DOCK1: variants seen among roughly 807,000 people sequenced by gnomAD.
DOCK1 encodes the protein dedicator of cytokinesis 1.
DOCK1 carries 138 observed loss-of-function variants against 262.7 expected under a neutral mutation model. The ratio of observed to expected loss-of-function variants is 0.53; its 90% CI spans 0.46 to 0.61. The LOEUF is 0.61. Ranked by LOEUF, DOCK1 falls within the 20% of genes least tolerant of loss-of-function variation. The pLI, the probability that DOCK1 is intolerant of heterozygous loss-of-function variation, is 0.00. For missense variants in DOCK1, 1,908 were observed against 2,370.7 expected (o/e 0.80, Z 4.05); for synonymous variants, 866 against 867.4 (o/e 1.00, Z 0.03).
intron 23 of DOCK1, among the ~76,000 whole-genome samples, chr10:127,102,292 G>GATAGTA (rs1224228775): frequency 6.6e-6 from 1 of 152,150 alleles, no homozygotes; most frequent in African/African-American, 2.4e-5. Context: ...CGTGAAAGGG[G>GATAGTA]ATAGTAATAG....
At chr10:127,130,912 A>T (rs922554182) in intron 27 of DOCK1, among the ~76,000 whole-genome samples, 5 of 152,082 alleles carry the variant, frequency 3.3e-5, no homozygotes, top group African/African-American at 7.2e-5. Context: ...CTGCTCCTAG[A>T]TCCCTGTCCT....
At chr10:127,140,596 T>A (rs1252943779) in intron 27 of DOCK1, among the ~76,000 whole-genome samples, 1 of 152,188 alleles carries the variant, frequency 6.6e-6, no homozygotes, top group East Asian at 1.9e-4. Flanking sequence ...AGGACTTTTC[T>A]TGGGGAAGCA....
chr10:126,996,810 C>T lies in DOCK1; in HGVS notation c.536C>T (p.Thr179Ile), dbSNP rs774339613. ...GGGAATATTTTGGATCCAGAATTAA[C>T]TAGCACGATTAGTCTCTTCAGAGCT... is the stretch of plus-strand genomic sequence containing the variant. ...EDGNILDPEL[T>I]STISLFRAHE... The change falls in exon 7 of 52, where the codon ACT (threonine) becomes ATT (isoleucine). Residue 179 changes from threonine to isoleucine, a missense_variant. This residue lies in a region of DOCK1 where 227 missense variants were observed against 254.1 expected (regional missense o/e 0.89). Transcript: ENST00000623213. 6.2e-7 allele frequency: 1 copy of T among 1,612,880 alleles called. No homozygotes were observed. Among genetic ancestry groups the T allele is most frequent in the Admixed American group, 1.7e-5 (1 of 59,746 alleles).
At chr10:127,051,974 T>G in intron 21 of DOCK1, among the ~76,000 whole-genome samples, 1 of 152,182 alleles carries the variant, frequency 6.6e-6, no homozygotes, top group East Asian at 1.9e-4. Context: ...ATGAAAAAAA[T>G]TTTTGTGTCT....
At chr10:127,277,224 A>G in intron 29 of DOCK1, among the ~76,000 whole-genome samples, 1 of 150,632 alleles carries the variant, frequency 6.6e-6, no homozygotes, top group South Asian at 2.1e-4. Context: ...TTTATCCTAT[A>G]CAATTATAAA....
intron 29 of DOCK1, among the ~76,000 whole-genome samples, chr10:127,315,378 C>T (rs1243803928): frequency 1.3e-5 from 2 of 152,098 alleles, no homozygotes; most frequent in South Asian, 2.1e-4. Context: ...AAGATATGGC[C>T]TCATCCCATC....
chr10:126,996,184 A>G (rs1346420524), intron 6 of DOCK1, among the ~76,000 whole-genome samples: 2 of 152,078 alleles, frequency 1.3e-5, no homozygotes, highest in Non-Finnish European at 2.9e-5. Context: ...AGTTGAGACC[A>G]GCCTGGCTAA....
chr10:127,128,337 T>A (rs1014648001), intron 27 of DOCK1, among the ~76,000 whole-genome samples: 1 of 8,614 alleles, frequency 1.2e-4, no homozygotes, highest in African/African-American at 1.7e-4. Flanking sequence ...TCTCGTTTAA[T>A]TTTTTTTTTT....
At chr10:127,145,745 C>T (rs1347435991) in intron 27 of DOCK1, among the ~76,000 whole-genome samples, 1 of 152,184 alleles carries the variant, frequency 6.6e-6, no homozygotes, top group Non-Finnish European at 1.5e-5. Flanking sequence ...AGCCCGGAAC[C>T]CTGGTTTCTA....
chr10:126,991,353 G>A (rs1565038319), intron 6 of DOCK1, among the ~76,000 whole-genome samples: 1 of 152,136 alleles, frequency 6.6e-6, no homozygotes, highest in Non-Finnish European at 1.5e-5. Flanking sequence ...AGTTTTCATA[G>A]AATAGCAGAG....
chr10:127,329,950 T>C (rs1393622346), intron 29 of DOCK1, among the ~76,000 whole-genome samples: 1 of 152,144 alleles, frequency 6.6e-6, no homozygotes, highest in Non-Finnish European at 1.5e-5. Context: ...ATTTCCAGAC[T>C]GGTTTATCCC....
intron 23 of DOCK1, among the ~76,000 whole-genome samples, chr10:127,071,999 C>T (rs1229878595): frequency 1.3e-5 from 2 of 152,150 alleles, no homozygotes; most frequent in African/African-American, 2.4e-5. Flanking sequence ...CTTCAGTGCT[C>T]AGGAACCTGA....
chr10:127,417,254 G>T (rs2068213243), intron 44 of DOCK1, among the ~76,000 whole-genome samples: 1 of 152,216 alleles, frequency 6.6e-6, no homozygotes, highest in Non-Finnish European at 1.5e-5. Context: ...AGTGTGAGGA[G>T]GAGGTTTGGT....
intron 38 of DOCK1, among the ~76,000 whole-genome samples, chr10:127,399,737 TAAA>T (rs1036980972): frequency 6.6e-6 from 1 of 150,606 alleles, no homozygotes; most frequent in Non-Finnish European, 1.5e-5. Flanking sequence ...GCAGAAAATT[TAAA>T]AAAAAATAAG....
chr10:127,075,120 G>T (rs1410739865), intron 23 of DOCK1, among the ~76,000 whole-genome samples: 1 of 133,510 alleles, frequency 7.5e-6, no homozygotes, highest in Non-Finnish European at 1.5e-5. Context: ...GGTGAGCTGA[G>T]ATTGCACCAT....
intron 27 of DOCK1, among the ~76,000 whole-genome samples, chr10:127,180,207 G>A (rs2055595665): frequency 6.6e-6 from 1 of 152,202 alleles, no homozygotes; most frequent in Non-Finnish European, 1.5e-5. Flanking sequence ...TGCTGGTTAG[G>A]CAAGGACATC....
At chr10:127,259,549 G>A (rs1409050668) in intron 29 of DOCK1, among the ~76,000 whole-genome samples, 1 of 152,180 alleles carries the variant, frequency 6.6e-6, no homozygotes, top group African/African-American at 2.4e-5. Flanking sequence ...ACAGGGTGTG[G>A]AGGCGGCCCG....
intron 47 of DOCK1, among the ~76,000 whole-genome samples, chr10:127,430,671 G>A (rs1253992607): frequency 1.3e-5 from 2 of 150,996 alleles, no homozygotes; most frequent in African/African-American, 4.9e-5. Flanking sequence ...GGATTTCCAG[G>A]CTGTAGCTGG....
rs1370503320 is a variant in DOCK1 at position 127,026,367 on chromosome 10, G to A, written c.1567G>A (p.Glu523Lys). The change falls in exon 16 of 52, where the codon GAG (glutamate) becomes AAG (lysine). Residue 523 changes from glutamate to lysine, a missense_variant. Glu to Lys is a moderately conservative substitution (Grantham distance 56, BLOSUM62 1). Around this residue, in one of 9 missense-constraint regions of DOCK1, gnomAD observed 294 missense variants for 439.9 expected, o/e 0.67. Transcript: ENST00000623213. ...FETVKVAIPI[E>K]DVNRSHLRFT... ...ATTCTTGAAGGTGGCCATTCCCATC[G>A]AGGACGTTAACCGCAGTCACCTTCG... 14 of 1,570,602 alleles carry A rather than the reference G, an allele frequency of 8.9e-6. No homozygotes were observed. Among genetic ancestry groups the A allele is most frequent in the South Asian group, 2.3e-5 (2 of 85,204 alleles).
Sources: gnomAD v4.1 joint callset for allele counts (sites outside exome capture counted in the v4.1 genomes callset) on GRCh38, gnomAD v4.1.1 for gene constraint, gnomAD v4.1.1 regional missense constraint, MANE v1.5 for transcripts, NCBI Gene and HGNC (gene_info 2026-07-23, HGNC 2026-07-21) for gene names.